CACNA1I: variants seen among roughly 807,000 people sequenced by gnomAD.
The protein encoded by CACNA1I is voltage-dependent T-type calcium channel subunit alpha-1I.
In CACNA1I, 74 loss-of-function variants were observed where a neutral mutation model predicts 201.6. The ratio of observed to expected loss-of-function variants is 0.37; its 90% CI spans 0.30 to 0.45. CACNA1I has a LOEUF of 0.45. CACNA1I is among the 20% of genes least tolerant of loss of function. CACNA1I has a pLI of 1.00. For missense variants in CACNA1I, 2,346 were observed against 3,138.1 expected, an observed-to-expected ratio of 0.75 and a Z score of 6.03; for synonymous variants, 1,431 against 1,345.2, an observed-to-expected ratio of 1.06 and a Z score of -1.40.
chr22:39,670,428 C>T (rs1264110127), intron 25 of CACNA1I, among the ~76,000 whole-genome samples, 198 bp downstream of exon 25: 1 of 152,220 alleles, frequency 6.6e-6, no homozygotes, highest in Non-Finnish European at 1.5e-5. Flanking sequence ...AGTCCAATGG[C>T]TGACACCACT....
chr22:39,607,854 G>A (rs1035470474), intron 3 of CACNA1I, among the ~76,000 whole-genome samples: 3 of 151,146 alleles, frequency 2.0e-5, no homozygotes, highest in Non-Finnish European at 4.4e-5. Flanking sequence ...TCCGGGTGCG[G>A]TGGCTCACAC....
At position 39,677,225 on chromosome 22, in the gene CACNA1I, C is replaced by T; in HGVS notation, c.4855-116C>T. ...GGACACACAGCCTGGGGGAATGTTA[C>T]AGCTGCTCTGACCCACAGGCTGCCC... is the stretch of plus-strand genomic sequence containing the variant. On this transcript the variant is annotated intron_variant, in intron 29 of 36. Transcript: ENST00000402142. This position sits in a 1 kb window ranked among gnomAD's most constrained non-coding sequence, Gnocchi z 4.8. 4.5e-6 allele frequency: 3 copies of T among 671,398 alleles called. No homozygotes were observed. The highest frequency in any genetic ancestry group is 2.3e-5 in the Admixed American group (1 of 43,524). The allele number at this position is 671,398 out of a possible 1,614,324, so 41.6% of individuals were successfully genotyped here.
Position 39,598,132 on chromosome 22 carries a change from T to A in CACNA1I, c.237-19T>A. On this transcript the variant is annotated intron_variant, in intron 1 of 36. Coordinates refer to ENST00000402142, the MANE Select transcript of CACNA1I (RefSeq NM_021096.4). ...ACGGGCGATCCCACCTGCTGCTTTG[T>A]CCTTGACTTGGTGTGCACGTGGTTT... 6.6e-7 allele frequency: 1 copy of A among 1,523,820 alleles called. No individual in the cohort carries two copies. The highest frequency in any genetic ancestry group is 9.0e-7 in the Non-Finnish European group (1 of 1,111,650). 94.4% of individuals were successfully genotyped at this position (1,523,820 alleles called of 1,614,324 possible).
At chr22:39,598,108 C>T (rs765162974) in intron 1 of CACNA1I, 43 bp from the exon 2 acceptor site, 10 of 1,280,894 alleles carry the variant, frequency 7.8e-6, no homozygotes, top group East Asian at 2.5e-5. Context: ...CCAGCCCCCA[C>T]GGGCGATCCC....
chr22:39,683,713 C>A (rs146001130), intron 35 of CACNA1I, among the ~76,000 whole-genome samples: 12 of 149,330 alleles, frequency 8.0e-5, no homozygotes, highest in African/African-American at 3.0e-4. Flanking sequence ...CCACGCCCCC[C>A]ACACCCAGAC....
At chr22:39,576,774 G>A (rs1231397809) in intron 1 of CACNA1I, among the ~76,000 whole-genome samples, 1 of 152,162 alleles carries the variant, frequency 6.6e-6, no homozygotes, top group East Asian at 1.9e-4. Flanking sequence ...GGGCTGTCCA[G>A]GGCACCCATT....
chr22:39,624,097 AGT>A (rs1860881870), intron 4 of CACNA1I, among the ~76,000 whole-genome samples: 1 of 139,892 alleles, frequency 7.1e-6, no homozygotes, highest in Non-Finnish European at 1.5e-5. Context: ...GTGTGTGAAG[AGT>A]GTGTATGTCT....
At chr22:39,608,008 G>A (rs1423473072) in intron 3 of CACNA1I, among the ~76,000 whole-genome samples, 5 of 151,614 alleles carry the variant, frequency 3.3e-5, no homozygotes, top group African/African-American at 4.9e-5. Flanking sequence ...TAATCCCAGC[G>A]GGAGGCTGAG....
intron 4 of CACNA1I, among the ~76,000 whole-genome samples, chr22:39,622,804 CAG>C (rs1251093817): frequency 1.3e-5 from 2 of 151,908 alleles, no homozygotes; most frequent in Non-Finnish European, 2.9e-5. Flanking sequence ...CCTCAGCTCT[CAG>C]GGGCCAGCAC....
At chr22:39,609,769 C>T (rs965776008) in intron 3 of CACNA1I, among the ~76,000 whole-genome samples, 13 of 152,192 alleles carry the variant, frequency 8.5e-5, no homozygotes, top group Admixed American at 5.9e-4. Context: ...AGAGAGAGAA[C>T]GCCCATCATG....
chr22:39,583,336 C>T (rs1035144079), intron 1 of CACNA1I, among the ~76,000 whole-genome samples: 1 of 147,172 alleles, frequency 6.8e-6, no homozygotes, highest in Non-Finnish European at 1.5e-5. Flanking sequence ...ATCCAACCAT[C>T]CATCCATCCA....
intron 4 of CACNA1I, among the ~76,000 whole-genome samples, chr22:39,633,004 G>A (rs1012346071): frequency 6.6e-6 from 1 of 151,702 alleles, no homozygotes; most frequent in Non-Finnish European, 1.5e-5. Context: ...ATTATTGATT[G>A]GAAATCACTG....
rs369794883 is a variant in CACNA1I, at chr22:39,601,762, G to A, written c.482+1109G>A. Among the ~76,000 whole-genome samples the A allele has an allele frequency of 1.1e-4, 17 of 151,310 alleles. No homozygotes were observed. In the East Asian group the frequency reaches 2.5e-3, roughly 23 times the overall value. On this transcript the variant is annotated intron_variant, in intron 3 of 36. Transcript: ENST00000402142. Reference sequence around the variant, plus strand: ...GATGTGTTCTGAAGTGAGGTGATTCGTTTCACTAGGGTTTTAAAAAAGTTA... The same window carrying A: ...GATGTGTTCTGAAGTGAGGTGATTCATTTCACTAGGGTTTTAAAAAAGTTA...
At chr22:39,587,764 T>A (rs1427467633) in intron 1 of CACNA1I, 2 of 445,094 alleles carry the variant, frequency 4.5e-6, no homozygotes, top group Admixed American at 2.4e-5. Flanking sequence ...TTATTTTATT[T>A]TATTTGATTT....
In CACNA1I at chr22:39,649,873, T is replaced by C; in HGVS notation, c.1940T>C (p.Met647Thr). Reference protein sequence around the residue: ...VDSKYFNRGIMMAILVNTVSM... With the variant: ...VDSKYFNRGITMAILVNTVSM... ...AGCAAGTACTTCAACCGGGGCATCA[T>C]GATGGCCATCCTGGTCAACACCGTC... The change falls in exon 10 of 37, where the codon ATG becomes ACG. Residue 647 changes from methionine to threonine, a missense_variant. Met to Thr is a moderately conservative substitution (Grantham distance 81, BLOSUM62 -1). Coordinates refer to ENST00000402142, the MANE Select transcript of CACNA1I (RefSeq NM_021096.4). This position sits in a 1 kb window ranked among gnomAD's most constrained non-coding sequence, Gnocchi z 7.3. 6.2e-7 allele frequency: 1 copy of C among 1,613,498 alleles called. No individual in the cohort carries two copies. The highest frequency in any genetic ancestry group is 8.5e-7 in the Non-Finnish European group (1 of 1,179,722).
chr22:39,617,544 G>A (rs886395587), intron 3 of CACNA1I, among the ~76,000 whole-genome samples: 1 of 152,146 alleles, frequency 6.6e-6, no homozygotes, highest in Non-Finnish European at 1.5e-5. Context: ...CGGCAGTCCT[G>A]GGCCCCGCGG....
chr22:39,672,593 T>C (rs1309571898), intron 27 of CACNA1I, among the ~76,000 whole-genome samples: 3 of 152,124 alleles, frequency 2.0e-5, no homozygotes, highest in Non-Finnish European at 2.9e-5. Context: ...ATACTCCTTT[T>C]TGAAGGGAAT....
intron 4 of CACNA1I, among the ~76,000 whole-genome samples, chr22:39,630,577 C>A (rs186566976): frequency 6.6e-6 from 1 of 152,368 alleles, no homozygotes; most frequent in African/African-American, 2.4e-5. Context: ...TGGGAGAACA[C>A]AGAGCAGCCG....
Position 39,674,020 on chromosome 22 carries a change from A to G in CACNA1I, c.4841A>G (p.Gln1614Arg). 6.2e-7 allele frequency: 1 copy of G among 1,613,260 alleles called. No individual in the cohort carries two copies. Among genetic ancestry groups the G allele is most frequent in the African/African-American group, 1.3e-5 (1 of 74,974 alleles). ...GMRALLDTVV[Q>R]ALPQVGNLGL... ...CGGGCCCTGCTGGACACGGTGGTGCAAGCTTTGCCCCAGGTAAGAGCCACT... is the reference window on the plus strand; with the variant it reads ...CGGGCCCTGCTGGACACGGTGGTGCGAGCTTTGCCCCAGGTAAGAGCCACT... Residue 1614 changes from glutamine (Q) to arginine (R), a missense_variant, in exon 29 of 37, where the codon CAA becomes CGA. Gln to Arg is a conservative substitution (Grantham distance 43). Transcript: ENST00000402142.
Sources: gnomAD v4.1 joint callset for allele counts (sites outside exome capture counted in the v4.1 genomes callset) on GRCh38, gnomAD v4.1.1 for gene constraint, Gnocchi (gnomAD v3.1) non-coding constraint, MANE v1.5 for transcripts, NCBI Gene and HGNC (gene_info 2026-07-23, HGNC 2026-07-21) for gene names.